KLB: variants seen among roughly 807,000 people sequenced by gnomAD.
KLB encodes klotho beta.
Under a neutral mutation model 88.4 loss-of-function variants are expected in KLB, and 44 were observed. The observed-to-expected ratio is 0.50, with a 90% confidence interval of 0.39 to 0.64. KLB has a LOEUF of 0.64. KLB is among the 30% of genes least tolerant of loss of function. The probability of loss-of-function intolerance (pLI) is 0.00; values close to 1 mark genes in which losing one functional copy is unlikely to be tolerated. For missense variants in KLB, 1,137 were observed against 1,304.8 expected (o/e 0.87, Z 1.98); for synonymous variants, 548 against 513.4 (o/e 1.07, Z -0.91).
Position 39,407,079 on chromosome 4 carries a change from C to A in KLB, c.130C>A (p.Leu44Ile), listed in dbSNP as rs138789592. 6.2e-7 allele frequency: 1 copy of A among 1,614,132 alleles called. No individual in the cohort carries two copies. The highest frequency in any genetic ancestry group is 2.2e-5 in the East Asian group (1 of 44,884). Residue 44 changes from leucine to isoleucine, a missense_variant, in exon 1 of 5, where the codon CTT becomes ATT. By Grantham distance (5) the Leu-to-Ile change is conservative (BLOSUM62 2). This residue lies in a region of KLB where 111 missense variants were observed against 118.3 expected (regional missense o/e 0.94). Coordinates refer to ENST00000257408, the MANE Select transcript of KLB (RefSeq NM_175737.4). ...GCAAAGATCTGTCATCCTGTCAGCA[C>A]TTATTCTGCTACGAGCTGTTACTGG... Reference protein sequence around the residue: ...GLQRSVILSALILLRAVTGFS... With the variant: ...GLQRSVILSAIILLRAVTGFS...
At position 39,407,657 on chromosome 4, in the gene KLB, G is replaced by A; in HGVS notation, c.708G>A (p.Trp236Ter). 2 of 1,614,014 alleles carry A rather than the reference G, an allele frequency of 1.2e-6. No homozygotes were observed. Among genetic ancestry groups the A allele is most frequent in the Non-Finnish European group, 1.7e-6 (2 of 1,179,928 alleles). The change falls in exon 1 of 5, where the codon TGG (tryptophan) becomes TGA (stop). Residue 236 changes from tryptophan (W) to a stop codon, truncating the protein, a stop_gained. Transcript: ENST00000257408. LOFTEE classifies it high-confidence loss of function. ...FQMFGDRVKY[W>*]ITIHNPYLVA... ...TGTTTGGGGACCGTGTCAAATATTG[G>A]ATTACAATTCACAACCCATATCTAG...
intron 1 of KLB, among the ~76,000 whole-genome samples, chr4:39,419,653 G>A (rs1743035612): frequency 6.6e-6 from 1 of 151,406 alleles, no homozygotes; most frequent in Non-Finnish European, 1.5e-5. Flanking sequence ...GCGTGTGCCT[G>A]TAATCCCAGC....
intron 4 of KLB, 21 bp downstream of exon 4, chr4:39,447,496 G>C: frequency 6.6e-7 from 1 of 1,526,140 alleles, no homozygotes. Context: ...GGCCCCTTCA[G>C]ACACAGGGCA....
At chr4:39,439,221 G>A (rs1369726445) in intron 3 of KLB, among the ~76,000 whole-genome samples, 4 of 152,172 alleles carry the variant, frequency 2.6e-5, no homozygotes, top group African/African-American at 7.2e-5. Context: ...CTGGTCTGGA[G>A]CTCCTGGGCT....
chr4:39,411,076 G>A (rs186648886), intron 1 of KLB, among the ~76,000 whole-genome samples: 2 of 151,186 alleles, frequency 1.3e-5, no homozygotes, highest in Admixed American at 1.3e-4. Context: ...TTTTGAGACG[G>A]AGTTTTCGTT....
chr4:39,426,473 G>A (rs1413957726), intron 1 of KLB, among the ~76,000 whole-genome samples: 1 of 149,336 alleles, frequency 6.7e-6, no homozygotes, highest in Non-Finnish European at 1.5e-5. Flanking sequence ...AAATAGGATG[G>A]TGAATATTTT....
rs185599606 is a variant in KLB at position 39,449,403 on chromosome 4, A to G, written c.*717A>G. ...TTTAACACCCTTCTTTAAACTGGGT[A>G]GTCAGTGATAGATAATATATATTCT... is the stretch of plus-strand genomic sequence containing the variant. On this transcript the variant is annotated 3_prime_UTR_variant, in exon 5 of 5. Transcript: ENST00000257408. 94 of 151,978 alleles carry G rather than the reference A, an allele frequency of 6.2e-4. No individual in the cohort carries two copies. The highest frequency in any genetic ancestry group is 2.2e-3 in the African/African-American group (93 of 41,482). The allele number at this position is 151,978 out of a possible 1,614,324, so 9.4% of individuals were successfully genotyped here.
intron 1 of KLB, among the ~76,000 whole-genome samples, chr4:39,419,963 A>G (rs2109825035): frequency 6.8e-6 from 1 of 146,300 alleles, no homozygotes; most frequent in East Asian, 2.0e-4. Context: ...AAAAAAAAAA[A>G]GGCTATTTTA....
intron 2 of KLB, 104 bp downstream of exon 2, chr4:39,434,824 TGAAACGGAG>T (rs1743436534): frequency 2.2e-6 from 2 of 903,704 alleles, no homozygotes; most frequent in Non-Finnish European, 3.3e-6. Flanking sequence ...TTTTTTTTTT[TGAAACGGAG>T]TTTCTCGCTG....
chr4:39,432,283 C>A lies in KLB; in HGVS notation c.826-1927C>A, dbSNP rs191614154. Among the ~76,000 whole-genome samples the A allele has an allele frequency of 4.0e-3, 602 of 148,918 alleles. 3 individuals carry two copies. The highest frequency in any genetic ancestry group is 0.014 in the African/African-American group (580 of 40,862). ...CCTGGGTGACAGAGCAAGACTCTGTCTCAAAGAAAAAAAAAACAACTCAAA... is the reference window on the plus strand; with the variant it reads ...CCTGGGTGACAGAGCAAGACTCTGTATCAAAGAAAAAAAAAACAACTCAAA... On this transcript the variant is annotated intron_variant, in intron 1 of 4. Transcript: ENST00000257408.
At chr4:39,438,977 A>T (rs1329626028) in intron 3 of KLB, among the ~76,000 whole-genome samples, 2 of 151,002 alleles carry the variant, frequency 1.3e-5, no homozygotes, top group Non-Finnish European at 2.9e-5. Context: ...TAACTGCTCT[A>T]TGTATGCACA....
Position 39,437,755 on chromosome 4 carries a change from T to C in KLB, c.1365T>C (p.Phe455=). Residue 455 remains phenylalanine (F), a synonymous_variant, in exon 3 of 5, where the codon TTT becomes TTC. Transcript: ENST00000257408. ...TAAGGTTAGATGAAATACGAGTGTT[T>C]GGTTATACTGCCTGGTCTCTCCTGG... ...QAIRLDEIRV[F]GYTAWSLLDG... is the part of the protein sequence containing the mutation. 6.2e-7 allele frequency: 1 copy of C among 1,612,922 alleles called. No individual in the cohort carries two copies. Among genetic ancestry groups the C allele is most frequent in the Non-Finnish European group, 8.5e-7 (1 of 1,179,054 alleles).
intron 3 of KLB, among the ~76,000 whole-genome samples, chr4:39,444,161 TAAACAAAC>T (rs538636151): frequency 5.3e-5 from 8 of 152,172 alleles, no homozygotes; most frequent in East Asian, 1.9e-4. Flanking sequence ...CCGTCTCAAA[TAAACAAAC>T]AAACAAACAA....
chr4:39,446,635 G>T lies in KLB; in HGVS notation c.1909G>T (p.Ala637Ser), dbSNP rs1197934203. ...TGAGGGGCTGAAGCTTGGCATCTCCGCGATGGTCACCCTGTATTATCCGAC... is the reference window on the plus strand; with the variant it reads ...TGAGGGGCTGAAGCTTGGCATCTCCTCGATGGTCACCCTGTATTATCCGAC... ...VSEGLKLGISAMVTLYYPTHA... is the reference protein window; with the variant it reads ...VSEGLKLGISSMVTLYYPTHA... Residue 637 changes from alanine to serine, a missense_variant, in exon 4 of 5, where the codon GCG (alanine) becomes TCG (serine). Physicochemically the swap from Ala to Ser is moderately conservative, Grantham distance 99. Transcript: ENST00000257408. This position sits in a 1 kb window ranked among gnomAD's most constrained non-coding sequence, Gnocchi z 6.4. 2 of 1,613,624 alleles carry T rather than the reference G, an allele frequency of 1.2e-6. No homozygotes were observed.
intron 1 of KLB, among the ~76,000 whole-genome samples, chr4:39,427,110 G>A (rs576928087): frequency 5.3e-5 from 8 of 152,260 alleles, no homozygotes; most frequent in East Asian, 3.9e-4. Context: ...TTAGGCTGGC[G>A]GATTGCTTGA....
chr4:39,430,593 A>ATTTTTTTTT (rs373054180), intron 1 of KLB, among the ~76,000 whole-genome samples: 1 of 87,676 alleles, frequency 1.1e-5, no homozygotes. Context: ...CTGAGAGGAA[A>ATTTTTTTTT]TTTTTTTTTT....
intron 1 of KLB, among the ~76,000 whole-genome samples, chr4:39,431,750 T>C (rs1377034012): frequency 6.6e-6 from 1 of 152,236 alleles, no homozygotes; most frequent in Non-Finnish European, 1.5e-5. Flanking sequence ...CCTCACCCCT[T>C]ACCTCAATGC....
intron 1 of KLB, among the ~76,000 whole-genome samples, chr4:39,427,146 G>A (rs1743235528): frequency 6.6e-6 from 1 of 152,116 alleles, no homozygotes; most frequent in African/African-American, 2.4e-5. Context: ...ACCAGCCTGA[G>A]CAACATAGTG....
intron 1 of KLB, among the ~76,000 whole-genome samples, chr4:39,433,341 G>A (rs1192993347): frequency 1.3e-5 from 2 of 152,192 alleles, no homozygotes; most frequent in Non-Finnish European, 2.9e-5. Context: ...GCTGTGGGCA[G>A]TGCCGACCAC....
Sources: allele counts gnomAD v4.1 joint callset (sites outside exome capture counted in the v4.1 genomes callset), GRCh38; gene constraint gnomAD v4.1.1; regional missense constraint gnomAD v4.1.1; non-coding constraint Gnocchi (gnomAD v3.1); transcripts MANE v1.5; gene names NCBI Gene and HGNC (gene_info 2026-07-23, HGNC 2026-07-21).